SNX13: variants seen among roughly 807,000 people sequenced by gnomAD.
SNX13 encodes the protein sorting nexin-13.
SNX13 carries 45 observed loss-of-function variants against 133.6 expected under a neutral mutation model. That is an observed-to-expected ratio of 0.34 (90% CI 0.27 to 0.43). The LOEUF (loss-of-function observed/expected upper bound fraction) is 0.43. Among genes scored for constraint, SNX13 ranks in the 20% least tolerant of loss-of-function variants. SNX13 has a pLI of 1.00. For missense variants in SNX13, 1,032 were observed against 1,145.1 expected, an observed-to-expected ratio of 0.90 and a Z score of 1.43; for synonymous variants, 414 against 373.9, an observed-to-expected ratio of 1.11 and a Z score of -1.24.
At position 17,933,227 on chromosome 7, in the gene SNX13, T is replaced by C. The variant is rs577847417; in HGVS notation, c.12+7057A>G. ...CTGGTAACCCTCAAATAAATCATCTTTTTCAAAACATTTTTTAGAACTTTG... is the reference window on the plus strand; with the variant it reads ...CTGGTAACCCTCAAATAAATCATCTCTTTCAAAACATTTTTTAGAACTTTG... On this transcript the variant is annotated intron_variant, in intron 1 of 25. Transcript: ENST00000428135. Among the ~76,000 whole-genome samples the C allele has an allele frequency of 5.9e-5, 9 of 152,314 alleles. No homozygotes were observed. The East Asian group carries it at 1.5e-3, about 26-fold the overall frequency.
intron 5 of SNX13, among the ~76,000 whole-genome samples, chr7:17,878,893 T>C (rs1034623417): frequency 5.3e-5 from 8 of 152,256 alleles, no homozygotes; most frequent in Middle Eastern, 6.8e-3. Flanking sequence ...GGACAGACTA[T>C]TCCCTCTACC....
chr7:17,884,455 C>A (rs1347262086), intron 5 of SNX13, among the ~76,000 whole-genome samples: 1 of 151,986 alleles, frequency 6.6e-6, no homozygotes, highest in Non-Finnish European at 1.5e-5. Flanking sequence ...TTCTTATGAA[C>A]GAAAACATAA....
intron 2 of SNX13, among the ~76,000 whole-genome samples, chr7:17,894,567 T>A (rs1388132902): frequency 1.3e-5 from 2 of 152,130 alleles, no homozygotes; most frequent in Admixed American, 1.3e-4. Context: ...AAAAGTTAAT[T>A]ATTTTGAAAA....
chr7:17,839,901 C>T lies in SNX13; in HGVS notation c.1265G>A (p.Ser422Asn), dbSNP rs1789666650. 5.0e-6 allele frequency: 8 copies of T among 1,611,964 alleles called. No individual in the cohort carries two copies. The South Asian group carries it at 5.5e-5, about 11-fold the overall frequency. Reference protein sequence around the residue: ...TAQQQLEVLLSRQRDGKHQTN... With the variant: ...TAQQQLEVLLNRQRDGKHQTN... ...TTGATGTTTTCCATCTCTCTGACGA[C>T]TTAATAAAACTTCTAGCTGCTGTTG... Residue 422 changes from serine to asparagine, a missense_variant, in exon 13 of 26, where the codon AGT becomes AAT. Ser to Asn is a conservative substitution (Grantham distance 46). Transcript: ENST00000428135.
intron 1 of SNX13, among the ~76,000 whole-genome samples, chr7:17,925,223 A>G (rs1363736683): frequency 6.6e-6 from 1 of 152,190 alleles, no homozygotes; most frequent in Non-Finnish European, 1.5e-5. Flanking sequence ...CAAAAAAAAT[A>G]GGCAAAACCA....
intron 24 of SNX13, among the ~76,000 whole-genome samples, chr7:17,797,602 C>G (rs1288819522): frequency 6.6e-6 from 1 of 151,754 alleles, no homozygotes; most frequent in African/African-American, 2.4e-5. Flanking sequence ...TTAGAAGCAC[C>G]TGAGAGCTTT....
intron 1 of SNX13, among the ~76,000 whole-genome samples, chr7:17,920,219 T>C (rs1799984237): frequency 6.6e-6 from 1 of 152,218 alleles, no homozygotes; most frequent in African/African-American, 2.4e-5. Flanking sequence ...TAAAAGCACA[T>C]GGGTTTTAAT....
chr7:17,890,365 A>C lies in SNX13; in HGVS notation c.438T>G (p.Thr146=). The C allele has an allele frequency of 6.2e-7, 1 of 1,609,570 alleles. No homozygotes were observed. The highest frequency in any genetic ancestry group is 8.5e-7 in the Non-Finnish European group (1 of 1,177,990). Residue 146 remains threonine (T), a splice_region_variant and synonymous_variant, in exon 5 of 26, where the codon ACT becomes ACG. Transcript: ENST00000428135. The stretch of plus-strand genomic sequence containing the variant: ...TAAATACAATGTCGTGTCCTTACCT[A>C]GTAGCAAACTGAATGAGTGCGTTTT... ...TLQNALIQFA[T]RSKEIDWQPY...
Position 17,813,492 on chromosome 7 carries a change from T to G in SNX13, c.2064+1342A>C, listed in dbSNP as rs188025047. On this transcript the variant is annotated intron_variant, in intron 20 of 25. Transcript: ENST00000428135. ...GTTATTAGGTTGGTGAAAAGGTAAT[T>G]GTGGTTTTTGCCATTTGTTTTAAAT... 4.8e-3 allele frequency among the ~76,000 whole-genome samples: 734 copies of G among 152,332 alleles called. 11 individuals carry two copies. The highest frequency in any genetic ancestry group is 0.017 in the African/African-American group (694 of 41,574).
At chr7:17,876,295 C>T in intron 5 of SNX13, among the ~76,000 whole-genome samples, 1 of 152,132 alleles carries the variant, frequency 6.6e-6, no homozygotes, top group East Asian at 1.9e-4. Context: ...AAAAACTTGG[C>T]CATGGCCAGG....
intron 1 of SNX13, among the ~76,000 whole-genome samples, chr7:17,907,854 G>A (rs1798562855): frequency 6.6e-6 from 1 of 152,088 alleles, no homozygotes; most frequent in South Asian, 2.1e-4. Context: ...CCAGGGTTCT[G>A]TTTTTACCTT....
intron 13 of SNX13, among the ~76,000 whole-genome samples, chr7:17,839,093 AATTCT>A (rs1195045849): frequency 1.3e-5 from 2 of 149,808 alleles, no homozygotes; most frequent in Non-Finnish European, 3.0e-5. Flanking sequence ...GTTCTAAAGC[AATTCT>A]ATTCTATATA....
intron 1 of SNX13, among the ~76,000 whole-genome samples, chr7:17,934,930 G>A (rs1275692154): frequency 6.6e-6 from 1 of 152,190 alleles, no homozygotes; most frequent in Non-Finnish European, 1.5e-5. Flanking sequence ...ACTGTAGGTA[G>A]AAATGCAAAT....
chr7:17,911,445 A>C (rs987322516), intron 1 of SNX13, among the ~76,000 whole-genome samples: 2 of 151,938 alleles, frequency 1.3e-5, no homozygotes, highest in East Asian at 3.9e-4. Flanking sequence ...TCAAGACCAG[A>C]CTGGCCAACA....
chr7:17,862,214 T>C (rs1792794039), intron 9 of SNX13, among the ~76,000 whole-genome samples: 1 of 152,206 alleles, frequency 6.6e-6, no homozygotes. Context: ...GAGATAACCA[T>C]AACATTCTGT....
intron 1 of SNX13, among the ~76,000 whole-genome samples, chr7:17,914,900 T>C (rs1348590554): frequency 6.6e-6 from 1 of 152,126 alleles, no homozygotes; most frequent in Non-Finnish European, 1.5e-5. Context: ...GTAAATGGAA[T>C]AAACACTCCA....
intron 11 of SNX13, among the ~76,000 whole-genome samples, chr7:17,846,293 G>A (rs1287065096): frequency 1.3e-5 from 2 of 150,972 alleles, no homozygotes; most frequent in East Asian, 1.9e-4. Flanking sequence ...GAGCATCTAC[G>A]TATCAGGCTT....
At chr7:17,821,676 CAT>C (rs1562701039) in intron 17 of SNX13, 28 bp from the exon 18 acceptor site, 1 of 1,577,102 alleles carries the variant, frequency 6.3e-7, no homozygotes, top group East Asian at 2.3e-5. Context: ...TCATAGTCAG[CAT>C]ATACTAATCA....
intron 1 of SNX13, among the ~76,000 whole-genome samples, chr7:17,904,387 TTCAGTGCTTAATTTAGGCCTAGGTTA>T (rs1378474877): frequency 1.6e-3 from 240 of 152,286 alleles, no homozygotes; most frequent in Non-Finnish European, 2.7e-3. Context: ...ACACAACTAA[TTCAGTGCTTAATTTAGGCCTAGGTTA>T]TCAGTGCTTA....
Sources: allele counts gnomAD v4.1 joint callset (sites outside exome capture counted in the v4.1 genomes callset), GRCh38; gene constraint gnomAD v4.1.1; transcripts MANE v1.5; gene names NCBI Gene and HGNC (gene_info 2026-07-23, HGNC 2026-07-21).